Variants in ODAD2 observed in about 807,000 individuals in gnomAD.
ODAD2 encodes outer dynein arm-docking complex subunit 2.
ODAD2 carries 89 observed loss-of-function variants against 106.8 expected under a neutral mutation model. That is an observed-to-expected ratio of 0.83 (90% CI 0.70 to 0.99). The LOEUF (loss-of-function observed/expected upper bound fraction) is 0.99. ODAD2 is among the 50% of genes least tolerant of loss of function. The probability of loss-of-function intolerance (pLI) is 0.00; values close to 1 mark genes in which losing one functional copy is unlikely to be tolerated. For missense variants in ODAD2, 1,168 were observed against 1,238.5 expected (o/e 0.94, Z 0.85); for synonymous variants, 404 against 436.2 (o/e 0.93, Z 0.92).
At position 27,981,517 on chromosome 10, in the gene ODAD2, G is replaced by A; in HGVS notation, c.885C>T (p.Val295=). The A allele has an allele frequency of 6.5e-7, 1 of 1,535,606 alleles. No individual in the cohort carries two copies. Among genetic ancestry groups the A allele is most frequent in the Non-Finnish European group, 8.7e-7 (1 of 1,153,514 alleles). The change falls in exon 7 of 20, where the codon GTC becomes GTT. Residue 295 remains valine, a synonymous_variant. Coordinates refer to ENST00000305242, the MANE Select transcript of ODAD2 (RefSeq NM_018076.5). ...ERKGSIYKNL[V]TFLREKSPKF... is the part of the protein sequence containing the mutation. ...TTGGTGATTTTTCTCTTAAAAATGT[G>A]ACAAGGTTTTTATAAATTGAACCTT...
chr10:27,893,376 CAT>C (rs1020716271), intron 17 of ODAD2, among the ~76,000 whole-genome samples: 2 of 152,142 alleles, frequency 1.3e-5, no homozygotes, highest in African/African-American at 4.8e-5. Context: ...CAGGGACACA[CAT>C]ATACATGGTG....
In ODAD2 at chr10:27,923,529, A is replaced by C. The variant is rs569028120; in HGVS notation, c.2495+11481T>G. ...GATAAAAGTACATTAATAATAAGAG[A>C]ATTTCATACAGCAGTTACAGCATAA... On this transcript the variant is annotated intron_variant, in intron 16 of 19. Coordinates refer to ENST00000305242, the MANE Select transcript of ODAD2 (RefSeq NM_018076.5). Among the ~76,000 whole-genome samples the C allele has an allele frequency of 2.6e-5, 4 of 152,318 alleles. No homozygotes were observed. The South Asian group carries it at 8.3e-4, about 32-fold the overall frequency.
At chr10:27,911,174 T>A (rs2133885903) in intron 16 of ODAD2, among the ~76,000 whole-genome samples, 1 of 152,102 alleles carries the variant, frequency 6.6e-6, no homozygotes, top group African/African-American at 2.4e-5. Context: ...AAAATCACCA[T>A]CCCAGAGCAC....
At chr10:27,952,904 T>A (rs1211047000) in intron 10 of ODAD2, among the ~76,000 whole-genome samples, 1 of 152,220 alleles carries the variant, frequency 6.6e-6, no homozygotes, top group Non-Finnish European at 1.5e-5. Context: ...TTACTCTTCA[T>A]TATTTTTTGT....
chr10:27,862,704 AG>A, intron 17 of ODAD2, 82 bp from the exon 18 acceptor site: 1 of 956,910 alleles, frequency 1.0e-6, no homozygotes, highest in Non-Finnish European at 1.5e-6. Flanking sequence ...GTAACAATAC[AG>A]CTGTGAGGTA....
At chr10:27,999,520 G>C (rs1287051659), upstream of ODAD2, among the ~76,000 whole-genome samples, 1 of 152,124 alleles carries the variant, frequency 6.6e-6, no homozygotes, top group Non-Finnish European at 1.5e-5. Context: ...TAGGGCAGAG[G>C]ATCGGAGTGA....
chr10:27,885,516 A>AAAG (rs1842023780), intron 17 of ODAD2, among the ~76,000 whole-genome samples: 1 of 7,412 alleles, frequency 1.3e-4, no homozygotes, highest in African/African-American at 3.7e-4. Flanking sequence ...TCTCAAAAAA[A>AAAG]AAAAAAAAAA....
intron 19 of ODAD2, among the ~76,000 whole-genome samples, chr10:27,847,171 T>G (rs1838838655): frequency 6.6e-6 from 1 of 152,140 alleles, no homozygotes; most frequent in Non-Finnish European, 1.5e-5. Context: ...GCAAAAATCC[T>G]CAATAAAATA....
At chr10:27,977,275 C>T (rs965900646) in intron 7 of ODAD2, among the ~76,000 whole-genome samples, 2 of 151,780 alleles carry the variant, frequency 1.3e-5, no homozygotes, top group African/African-American at 2.4e-5. Context: ...AATAAAAATA[C>T]AAGACTCGGC....
chr10:27,852,638 T>C (rs531871739), intron 19 of ODAD2, among the ~76,000 whole-genome samples: 109 of 151,624 alleles, frequency 7.2e-4, no homozygotes, highest in African/African-American at 2.6e-3. Context: ...ATGGGAAAAA[T>C]AGAAAACAAA....
chr10:27,935,299 T>A, intron 15 of ODAD2, 47 bp from the exon 16 acceptor site: 1 of 1,603,332 alleles, frequency 6.2e-7, no homozygotes, highest in Non-Finnish European at 8.5e-7. Context: ...GTATAAGGTT[T>A]GCTAAAAATT....
At position 27,860,854 on chromosome 10, in the gene ODAD2, A is replaced by T. The variant is rs1759509737; in HGVS notation, c.2800-8T>A. The T allele has an allele frequency of 1.2e-6, 2 of 1,611,330 alleles. No individual in the cohort carries two copies. The highest frequency in any genetic ancestry group is 1.7e-6 in the Non-Finnish European group (2 of 1,177,492). ...TCTCAATTTATTGTTATTCTGTGCA[A>T]GGGAAAATGAAATGGGATCTGTGCA... On this transcript the variant is annotated splice_polypyrimidine_tract_variant and splice_region_variant and intron_variant, in intron 18 of 19. Transcript: ENST00000305242.
intron 7 of ODAD2, among the ~76,000 whole-genome samples, chr10:27,972,627 T>C (rs12773866): frequency 0.2 from 30,359 of 152,082 alleles, 3,509 homozygotes; most frequent in Middle Eastern, 0.29. Context: ...GGAATGGCCA[T>C]ATTAAAATCA....
At chr10:27,835,108 A>G (rs1837767425) in intron 19 of ODAD2, among the ~76,000 whole-genome samples, 1 of 152,152 alleles carries the variant, frequency 6.6e-6, no homozygotes, top group Non-Finnish European at 1.5e-5. Context: ...GCAGAGAACA[A>G]AACCACTCTC....
intron 17 of ODAD2, among the ~76,000 whole-genome samples, chr10:27,870,503 C>A (rs1170268610): frequency 1.3e-5 from 2 of 152,242 alleles, no homozygotes; most frequent in Middle Eastern, 3.4e-3. Context: ...ATCCCTCCCC[C>A]ATCCCCCAAC....
At chr10:27,900,466 C>T (rs1419712929) in intron 17 of ODAD2, among the ~76,000 whole-genome samples, 2 of 152,062 alleles carry the variant, frequency 1.3e-5, no homozygotes, top group Non-Finnish European at 2.9e-5. Flanking sequence ...ATGAGTTTGA[C>T]GAATTGACAG....
At chr10:27,827,680 T>C (rs750087922) in intron 19 of ODAD2, among the ~76,000 whole-genome samples, 2 of 151,978 alleles carry the variant, frequency 1.3e-5, no homozygotes, top group Admixed American at 1.3e-4. Context: ...ACCACCATTC[T>C]CTCTCCCTGG....
At chr10:27,865,471 G>A (rs1413815957) in intron 17 of ODAD2, among the ~76,000 whole-genome samples, 1 of 152,142 alleles carries the variant, frequency 6.6e-6, no homozygotes, top group Admixed American at 6.6e-5. Flanking sequence ...ACTAAGGTAT[G>A]CTCTTCTTCA....
intron 16 of ODAD2, among the ~76,000 whole-genome samples, chr10:27,921,558 G>A (rs148747825): frequency 6.6e-6 from 1 of 151,342 alleles, no homozygotes; most frequent in African/African-American, 2.4e-5. Flanking sequence ...GAGTTTGCTG[G>A]GATTCCTGAC....
Sources: gnomAD v4.1 joint callset for allele counts (sites outside exome capture counted in the v4.1 genomes callset) on GRCh38, gnomAD v4.1.1 for gene constraint, MANE v1.5 for transcripts, NCBI Gene and HGNC (gene_info 2026-07-23, HGNC 2026-07-21) for gene names.